Variants in RFC1 observed in about 807,000 individuals in gnomAD.
RFC1 encodes the protein A1 140 kDa subunit.
RFC1 carries 37 observed loss-of-function variants against 137.4 expected under a neutral mutation model. That is an observed-to-expected ratio of 0.27 (90% CI 0.21 to 0.35). The LOEUF is 0.35. RFC1 is among the 10% of genes least tolerant of loss of function. The pLI is 1.00. For synonymous variants in RFC1, 429 were observed against 455.7 expected (o/e 0.94, Z 0.75); for missense variants, 1,205 against 1,358.5 (o/e 0.89, Z 1.78).
chr4:39,354,632 A>G (rs1170256192), intron 1 of RFC1, among the ~76,000 whole-genome samples: 2 of 152,038 alleles, frequency 1.3e-5, no homozygotes, highest in Non-Finnish European at 2.9e-5. Context: ...AATGCAAGCA[A>G]CAGAGCTGGG....
Position 39,351,413 on chromosome 4 carries a change from T to A in RFC1, c.67A>T (p.Lys23Ter). The change falls in exon 2 of 25, where the codon AAG becomes TAG. Residue 23 changes from lysine to a stop codon, truncating the protein, a stop_gained. Coordinates refer to ENST00000349703, the MANE Select transcript of RFC1 (RefSeq NM_002913.5). LOFTEE classifies it high-confidence loss of function. ...TCATCAGACTTTGTTTTCTCATTCT[T>A]CTTTACTGTTTCACTTACAAGTTTC... ...GKKLVSETVK[K>*]NEKTKSDEET... 6.3e-7 allele frequency: 1 copy of A among 1,582,380 alleles called. No individual in the cohort carries two copies. Among genetic ancestry groups the A allele is most frequent in the Non-Finnish European group, 8.6e-7 (1 of 1,167,526 alleles).
chr4:39,339,196 G>A (rs1331609956), intron 4 of RFC1, among the ~76,000 whole-genome samples: 1 of 152,066 alleles, frequency 6.6e-6, no homozygotes, highest in Admixed American at 6.6e-5. Context: ...GCATAATGCT[G>A]CAATGAATAT....
Position 39,327,725 on chromosome 4 carries a change from C to T in RFC1, c.363G>A (p.Ala121=), listed in dbSNP as rs143209593. 2.5e-4 allele frequency: 402 copies of T among 1,609,052 alleles called. No homozygotes were observed. Among genetic ancestry groups the T allele is most frequent in the Admixed American group, 3.7e-4 (22 of 59,422 alleles). ...TTCCATTCTCTTTTGATTTAGAGGCCGCCTTCTTACACATAAAGTCATCTT... is the reference window on the plus strand; with the variant it reads ...TTCCATTCTCTTTTGATTTAGAGGCTGCCTTCTTACACATAAAGTCATCTT... ...DEEDDFMCKK[A]ASKSKENGRS... The change falls in exon 5 of 25, where the codon GCG becomes GCA. Residue 121 remains alanine, a synonymous_variant. Coordinates refer to ENST00000349703, the MANE Select transcript of RFC1 (RefSeq NM_002913.5).
chr4:39,310,214 A>G (rs748849740), intron 12 of RFC1, among the ~76,000 whole-genome samples: 1 of 152,192 alleles, frequency 6.6e-6, no homozygotes, highest in Non-Finnish European at 1.5e-5. Flanking sequence ...GTACTCATTA[A>G]AAGTGTCAAG....
chr4:39,346,538 T>A (rs928047690), intron 2 of RFC1, among the ~76,000 whole-genome samples: 1 of 151,798 alleles, frequency 6.6e-6, no homozygotes, highest in Admixed American at 6.6e-5. Context: ...TATTTTGTAG[T>A]TAAACATCAC....
chr4:39,366,187 C>T lies in RFC1; in HGVS notation c.3+52G>A. 9 of 1,545,584 alleles carry T rather than the reference C, an allele frequency of 5.8e-6. No homozygotes were observed. In the South Asian group the frequency reaches 8.3e-5, roughly 14 times the overall value. On this transcript the variant is annotated intron_variant, in intron 1 of 24. Coordinates refer to ENST00000349703, the MANE Select transcript of RFC1 (RefSeq NM_002913.5). Reference sequence around the variant, plus strand: ...CCAGGAGTGCCCGGTCCACACCAGGCCTGCAAAGCCCCCCCAGACCCCGAG... The same window carrying T: ...CCAGGAGTGCCCGGTCCACACCAGGTCTGCAAAGCCCCCCCAGACCCCGAG...
At chr4:39,318,481 C>T (rs2109661301) in intron 9 of RFC1, among the ~76,000 whole-genome samples, 1 of 152,246 alleles carries the variant, frequency 6.6e-6, no homozygotes, top group Non-Finnish European at 1.5e-5. Flanking sequence ...TGAAGGACAC[C>T]CACTTTATGA....
chr4:39,360,055 G>A (rs528550526), intron 1 of RFC1, among the ~76,000 whole-genome samples: 2 of 152,124 alleles, frequency 1.3e-5, no homozygotes, highest in South Asian at 4.2e-4. Flanking sequence ...AAATAAAAAT[G>A]AAGGCAACAC....
chr4:39,295,954 C>T (rs540718296), intron 21 of RFC1, 195 bp from the exon 22 acceptor site: 20 of 445,336 alleles, frequency 4.5e-5, no homozygotes, highest in South Asian at 9.8e-5. Flanking sequence ...CAACAGATTG[C>T]GGTACACACC....
chr4:39,327,795 C>A, intron 4 of RFC1, 39 bp from the exon 5 acceptor site: 1 of 1,421,752 alleles, frequency 7.0e-7, no homozygotes, highest in Non-Finnish European at 9.5e-7. Context: ...TATAAAACAT[C>A]AATTCGGTTA....
At chr4:39,348,669 G>C (rs574180373) in intron 2 of RFC1, among the ~76,000 whole-genome samples, 74 of 152,090 alleles carry the variant, frequency 4.9e-4, no homozygotes, top group African/African-American at 1.5e-3. Flanking sequence ...TTCAAGAAAA[G>C]GGAAGAATGG....
At position 39,311,555 on chromosome 4, in the gene RFC1, G is replaced by A; in HGVS notation, c.1384-6C>T. ...TTTGTCCCCAAGGCTGCGGCCTGTT[G>A]ATTAAAAATGTAAACCATCAAAACT... On this transcript the variant is annotated splice_region_variant and splice_polypyrimidine_tract_variant and intron_variant, in intron 11 of 24. Coordinates refer to ENST00000349703, the MANE Select transcript of RFC1 (RefSeq NM_002913.5). 1.2e-6 allele frequency: 2 copies of A among 1,610,158 alleles called. No individual in the cohort carries two copies. Among genetic ancestry groups the A allele is most frequent in the South Asian group, 1.1e-5 (1 of 90,704 alleles).
In RFC1 at chr4:39,288,104, G is replaced by A. The variant is rs1384162217; in HGVS notation, c.*657C>T. ...ATGTTTCACACAACAGGTTAGTAAGGAATACAGTGAGCTTTTTTAATCCAA... is the reference window on the plus strand; with the variant it reads ...ATGTTTCACACAACAGGTTAGTAAGAAATACAGTGAGCTTTTTTAATCCAA... On this transcript the variant is annotated 3_prime_UTR_variant, in exon 25 of 25. Coordinates refer to ENST00000349703, the MANE Select transcript of RFC1 (RefSeq NM_002913.5). 1.3e-5 allele frequency: 2 copies of A among 152,188 alleles called. No homozygotes were observed. The highest frequency in any genetic ancestry group is 2.9e-5 in the Non-Finnish European group (2 of 68,036). The allele number at this position is 152,188 out of a possible 1,614,324, so 9.4% of individuals were successfully genotyped here.
intron 1 of RFC1, among the ~76,000 whole-genome samples, chr4:39,352,290 T>G (rs1324670465): frequency 1.3e-5 from 2 of 152,236 alleles, no homozygotes; most frequent in Non-Finnish European, 2.9e-5. Context: ...TTCCTTTATA[T>G]GATTTTTCAA....
chr4:39,309,750 T>C (rs1000473308), intron 12 of RFC1, among the ~76,000 whole-genome samples: 1 of 152,228 alleles, frequency 6.6e-6, no homozygotes, highest in Non-Finnish European at 1.5e-5. Context: ...GTGCTAATGG[T>C]TGTATACTCT....
intron 12 of RFC1, among the ~76,000 whole-genome samples, chr4:39,311,187 A>G (rs1260900750): frequency 6.6e-6 from 1 of 152,106 alleles, no homozygotes; most frequent in Admixed American, 6.6e-5. Flanking sequence ...GAAAATAAGG[A>G]AAGTTTGATA....
At chr4:39,315,347 A>G (rs1369404093) in intron 10 of RFC1, among the ~76,000 whole-genome samples, 1 of 152,152 alleles carries the variant, frequency 6.6e-6, no homozygotes, top group African/African-American at 2.4e-5. Context: ...TCTCTCCCAT[A>G]TTTGTAGCTG....
rs1367751559 is a variant in RFC1, at chr4:39,287,924, G to A, written c.*837C>T. On this transcript the variant is annotated 3_prime_UTR_variant, in exon 25 of 25. Transcript: ENST00000349703. Reference sequence around the variant, plus strand: ...ACCTGATGGGTTGAGACTCCAGAAGGATAAGAATGTCTGAGAATCTTCTGC... The same window carrying A: ...ACCTGATGGGTTGAGACTCCAGAAGAATAAGAATGTCTGAGAATCTTCTGC... 2.0e-5 allele frequency: 3 copies of A among 152,220 alleles called. No homozygotes were observed. Among genetic ancestry groups the A allele is most frequent in the Admixed American group, 1.3e-4 (2 of 15,280 alleles). 9.4% of individuals were successfully genotyped at this position (152,220 alleles called of 1,614,324 possible). A position where few individuals can be genotyped will look rare whatever the true frequency, so the allele number is the denominator to read the frequency against.
At chr4:39,313,162 T>C (rs1245135005) in intron 10 of RFC1, among the ~76,000 whole-genome samples, 1 of 152,204 alleles carries the variant, frequency 6.6e-6, no homozygotes, top group African/African-American at 2.4e-5. Flanking sequence ...GTGAAAAACA[T>C]ACATCCAACA....
Sources: allele counts gnomAD v4.1 joint callset (sites outside exome capture counted in the v4.1 genomes callset), GRCh38; gene constraint gnomAD v4.1.1; transcripts MANE v1.5; gene names NCBI Gene and HGNC (gene_info 2026-07-23, HGNC 2026-07-21).